TMEM132C: variants seen among roughly 807,000 people sequenced by gnomAD.
TMEM132C encodes the protein transmembrane protein 132C, also known as protein phosphatase 1, regulatory subunit 152.
TMEM132C carries 29 observed loss-of-function variants against 61.4 expected under a neutral mutation model. The observed-to-expected ratio is 0.47, with a 90% CI of 0.35 to 0.64. The LOEUF (loss-of-function observed/expected upper bound fraction) is 0.64. Among genes scored for constraint, TMEM132C ranks in the 30% least tolerant of loss-of-function variants. The pLI, the probability that TMEM132C is intolerant of heterozygous loss-of-function variation, is 0.00. For synonymous variants in TMEM132C, 656 were observed against 633.1 expected (o/e 1.04, Z -0.54); for missense variants, 1,408 against 1,476.9 (o/e 0.95, Z 0.76).
At chr12:128,466,886 C>A (rs1870753874) in intron 2 of TMEM132C, among the ~76,000 whole-genome samples, 1 of 152,156 alleles carries the variant, frequency 6.6e-6, no homozygotes, top group South Asian at 2.1e-4. Flanking sequence ...TGACACTTGG[C>A]TACATAGGGG....
At chr12:128,269,144 C>T (rs538888219) in intron 1 of TMEM132C, among the ~76,000 whole-genome samples, 3 of 152,220 alleles carry the variant, frequency 2.0e-5, no homozygotes, top group Middle Eastern at 3.4e-3. Flanking sequence ...ATTCCCTTCC[C>T]AACCTACCTC....
chr12:128,560,532 A>G (rs920504104), intron 3 of TMEM132C, among the ~76,000 whole-genome samples: 3 of 152,202 alleles, frequency 2.0e-5, no homozygotes, highest in African/African-American at 7.2e-5. Context: ...ATCTTAGCTT[A>G]AATATTCTCC....
chr12:128,492,024 C>T (rs140014705), intron 2 of TMEM132C, among the ~76,000 whole-genome samples: 1,860 of 152,172 alleles, frequency 0.012, 48 homozygotes, highest in African/African-American at 0.041. Context: ...CGACAGGCCC[C>T]GGTGTGTGAT....
At chr12:128,491,347 A>T (rs539942981) in intron 2 of TMEM132C, among the ~76,000 whole-genome samples, 4 of 152,182 alleles carry the variant, frequency 2.6e-5, no homozygotes, top group Non-Finnish European at 5.9e-5. Flanking sequence ...TCTAAATCCC[A>T]TTGATTCTGT....
Position 128,277,902 on chromosome 12 carries a change from G to A in TMEM132C, c.85+10415G>A, listed in dbSNP as rs750098044. On this transcript the variant is annotated intron_variant, in intron 1 of 8. Transcript: ENST00000435159. ...CTCTGGGTGGCTTTTCCTCTTTTCT[G>A]CTTGTCTTGACCTTCATTCATTCTT... 3.7e-4 allele frequency among the ~76,000 whole-genome samples: 56 copies of A among 152,014 alleles called. 1 individual carries two copies. Among genetic ancestry groups the A allele is most frequent in the Admixed American group, 1.1e-3 (17 of 15,260 alleles).
intron 3 of TMEM132C, among the ~76,000 whole-genome samples, chr12:128,586,261 G>A (rs11059779): frequency 0.6 from 91,189 of 151,492 alleles, 29,088 homozygotes; most frequent in African/African-American, 0.83. Flanking sequence ...TCTATTTTAA[G>A]TGTCAAAAAA....
chr12:128,384,887 C>T (rs1044072055), intron 1 of TMEM132C, among the ~76,000 whole-genome samples: 4 of 152,116 alleles, frequency 2.6e-5, no homozygotes, highest in African/African-American at 9.7e-5. Flanking sequence ...AAATAGAGTC[C>T]CTGCAAAGGC....
chr12:128,672,399 A>G (rs1954541263), intron 5 of TMEM132C, among the ~76,000 whole-genome samples: 1 of 152,220 alleles, frequency 6.6e-6, no homozygotes, highest in Admixed American at 6.5e-5. Flanking sequence ...CAGCCTACAA[A>G]AACCAAGAGG....
At chr12:128,687,168 C>T (rs1225104680) in intron 5 of TMEM132C, among the ~76,000 whole-genome samples, 2 of 138,984 alleles carry the variant, frequency 1.4e-5, no homozygotes, top group African/African-American at 5.5e-5. Context: ...CGCCATTGCA[C>T]TCCAGCCTGG....
intron 3 of TMEM132C, among the ~76,000 whole-genome samples, chr12:128,560,305 C>T (rs1874467186): frequency 6.6e-6 from 1 of 152,178 alleles, no homozygotes. Context: ...GATAAATCCC[C>T]AAGCTTGGTT....
rs59699427 is a variant in TMEM132C at position 128,338,757 on chromosome 12, A to AATATATATATATAT, written c.85+71277_85+71290dup. Among the ~76,000 whole-genome samples the AATATATATATATAT allele has an allele frequency of 7.1e-4, 99 of 138,654 alleles. 7 individuals carry two copies. Among genetic ancestry groups the AATATATATATATAT allele is most frequent in the African/African-American group, 3.0e-3 (93 of 31,408 alleles). 91.0% of individuals were successfully genotyped at this position (138,654 alleles called of 152,430 possible). ...TCCTTTCTTGTTTTCCTTCTGCAGA[A>AATATATATATATAT]ATATATATATATATATATATTTTGC... On this transcript the variant is annotated intron_variant, in intron 1 of 8. Coordinates refer to ENST00000435159, the MANE Select transcript of TMEM132C (RefSeq NM_001136103.3).
At chr12:128,647,968 T>C (rs985963398) in intron 4 of TMEM132C, among the ~76,000 whole-genome samples, 2 of 148,306 alleles carry the variant, frequency 1.3e-5, no homozygotes, top group Non-Finnish European at 3.0e-5. Flanking sequence ...GCGTTGGATG[T>C]GAGTGTGTTT....
intron 1 of TMEM132C, among the ~76,000 whole-genome samples, chr12:128,274,904 G>A (rs1409778630): frequency 6.6e-6 from 1 of 152,024 alleles, no homozygotes; most frequent in Non-Finnish European, 1.5e-5. Context: ...TCTCAGGGAT[G>A]CACACAGATT....
At chr12:128,453,944 C>T (rs914353082) in intron 2 of TMEM132C, among the ~76,000 whole-genome samples, 1 of 152,102 alleles carries the variant, frequency 6.6e-6, no homozygotes. Context: ...AGCTGTGACA[C>T]GTGAAGGAGA....
chr12:128,681,831 T>TTC, intron 5 of TMEM132C, among the ~76,000 whole-genome samples: 1 of 145,774 alleles, frequency 6.9e-6, no homozygotes, highest in Non-Finnish European at 1.5e-5. Flanking sequence ...TTTTTTTTTT[T>TTC]TTTTTTTTTT....
chr12:128,339,737 G>C (rs1565905654), intron 1 of TMEM132C, among the ~76,000 whole-genome samples: 1 of 151,878 alleles, frequency 6.6e-6, no homozygotes, highest in African/African-American at 2.4e-5. Context: ...CATTTGAGGA[G>C]CTGATCCTGC....
intron 1 of TMEM132C, among the ~76,000 whole-genome samples, chr12:128,364,390 G>A (rs1172589933): frequency 6.7e-6 from 1 of 149,908 alleles, no homozygotes; most frequent in Non-Finnish European, 1.5e-5. Context: ...TCTGTTGGAC[G>A]ACTGTCTGTC....
At chr12:128,363,543 G>C (rs919222924) in intron 1 of TMEM132C, among the ~76,000 whole-genome samples, 1 of 152,076 alleles carries the variant, frequency 6.6e-6, no homozygotes, top group Admixed American at 6.6e-5. Context: ...CAGGGGAGAC[G>C]GGGAGAATAA....
chr12:128,624,026 A>G (rs1953991515), intron 4 of TMEM132C, among the ~76,000 whole-genome samples: 1 of 152,208 alleles, frequency 6.6e-6, no homozygotes, highest in Non-Finnish European at 1.5e-5. Context: ...AGGGAACACC[A>G]TGCCACAGTG....
Sources: allele counts gnomAD v4.1 joint callset (sites outside exome capture counted in the v4.1 genomes callset), GRCh38; gene constraint gnomAD v4.1.1; transcripts MANE v1.5; gene names NCBI Gene and HGNC (gene_info 2026-07-23, HGNC 2026-07-21).